Variants in PACRG observed in about 807,000 individuals in gnomAD.
PACRG encodes parkin coregulated, also known as parkin coregulated gene protein.
A neutral mutation model predicts 29.7 loss-of-function variants in PACRG; 29 were observed. That is an observed-to-expected ratio of 0.98 (90% confidence interval 0.73 to 1.33). The LOEUF (loss-of-function observed/expected upper bound fraction) is 1.33. Among genes scored for constraint, PACRG ranks in the 40% most tolerant of loss-of-function variants. The pLI is 0.00. For missense variants in PACRG, 279 were observed against 316.2 expected (o/e 0.88, Z 0.89); for synonymous variants, 116 against 118.7 (o/e 0.98, Z 0.15).
At chr6:162,902,451 A>T (rs1442520604) in intron 2 of PACRG, among the ~76,000 whole-genome samples, 1 of 152,220 alleles carries the variant, frequency 6.6e-6, no homozygotes, top group Non-Finnish European at 1.5e-5. Flanking sequence ...ACAGTGCATA[A>T]CATTCTACAT....
chr6:163,169,766 A>C (rs1450366584), intron 4 of PACRG, among the ~76,000 whole-genome samples: 1 of 152,124 alleles, frequency 6.6e-6, no homozygotes, highest in Non-Finnish European at 1.5e-5. Flanking sequence ...GGCCATACAG[A>C]CTTGGGGAGC....
At chr6:163,156,973 C>T (rs1194455084) in intron 4 of PACRG, among the ~76,000 whole-genome samples, 1 of 152,172 alleles carries the variant, frequency 6.6e-6, no homozygotes. Context: ...TTAATGTGAG[C>T]ATGTGTGCAA....
intron 1 of PACRG, among the ~76,000 whole-genome samples, chr6:162,750,174 T>C (rs960442925): frequency 5.9e-5 from 9 of 152,218 alleles, no homozygotes; most frequent in Admixed American, 3.9e-4. Context: ...CTTTCAAAGA[T>C]ACCTTAGGAG....
At chr6:163,269,877 GAAAGAAAGAAAGAAAACAAAGAA>G (rs1419018074) in intron 4 of PACRG, among the ~76,000 whole-genome samples, 2 of 34,078 alleles carry the variant, frequency 5.9e-5, no homozygotes, top group African/African-American at 2.7e-4. Context: ...GAGAAAGAAA[GAAAGAAAGAAAGAAAACAAAGAA>G]AGAAAGAAAG....
At chr6:163,016,593 T>A (rs750176298) in intron 2 of PACRG, among the ~76,000 whole-genome samples, 5 of 152,156 alleles carry the variant, frequency 3.3e-5, no homozygotes, top group Non-Finnish European at 4.4e-5. Context: ...CATTAATTAA[T>A]GGTTCCAAAG....
chr6:162,763,616 G>A (rs941694020), intron 1 of PACRG, among the ~76,000 whole-genome samples: 1 of 152,174 alleles, frequency 6.6e-6, no homozygotes, highest in Non-Finnish European at 1.5e-5. Context: ...CTATTGATAA[G>A]CTAATAATTG....
chr6:163,266,294 C>T (rs965186781), intron 4 of PACRG, among the ~76,000 whole-genome samples: 3 of 152,008 alleles, frequency 2.0e-5, no homozygotes, highest in South Asian at 2.1e-4. Flanking sequence ...TAAGTAATAC[C>T]GGTAAATAGG....
In PACRG at chr6:163,233,648, GA is replaced by G. The variant is rs369018498; in HGVS notation, c.614-81176del. Among the ~76,000 whole-genome samples the G allele has an allele frequency of 7.2e-5, 11 of 152,342 alleles. No individual in the cohort carries two copies. In the East Asian group the frequency reaches 2.1e-3, roughly 29 times the overall value. ...GGGCAGGATACAGCTGTCCACATGAGAAATGGCAGTGACTTCTTTGTGTTAG... is the reference window on the plus strand; with the variant it reads ...GGGCAGGATACAGCTGTCCACATGAGAATGGCAGTGACTTCTTTGTGTTAG... On this transcript the variant is annotated intron_variant, in intron 4 of 4. Coordinates refer to ENST00000366888, the MANE Select transcript of PACRG (RefSeq NM_001080379.2).
intron 4 of PACRG, among the ~76,000 whole-genome samples, chr6:163,177,820 C>T (rs1164110161): frequency 2.1e-5 from 3 of 140,108 alleles, no homozygotes; most frequent in South Asian, 2.3e-4. Context: ...CCATTCCAAG[C>T]ACGTCCAAAC....
intron 2 of PACRG, among the ~76,000 whole-genome samples, chr6:162,950,644 G>A (rs896631414): frequency 6.6e-6 from 1 of 152,088 alleles, no homozygotes; most frequent in Non-Finnish European, 1.5e-5. Context: ...ATTTGTTTCA[G>A]TATTTAAAGC....
At chr6:162,881,616 G>A (rs1407521870) in intron 2 of PACRG, among the ~76,000 whole-genome samples, 1 of 151,534 alleles carries the variant, frequency 6.6e-6, no homozygotes, top group Non-Finnish European at 1.5e-5. Context: ...CAGAGACCCA[G>A]GGGTGCTCTC....
intron 2 of PACRG, among the ~76,000 whole-genome samples, chr6:162,817,886 G>A (rs563244642): frequency 1.2e-4 from 19 of 152,204 alleles, no homozygotes; most frequent in Admixed American, 2.0e-4. Context: ...ATTAGTAAAT[G>A]TGAGAAACGT....
At chr6:163,191,732 C>T (rs1279275747) in intron 4 of PACRG, 1 of 456,302 alleles carries the variant, frequency 2.2e-6, no homozygotes, top group Non-Finnish European at 4.4e-6. Flanking sequence ...ATCTTCTCCA[C>T]TCCCACTCAG....
intron 2 of PACRG, among the ~76,000 whole-genome samples, chr6:162,861,099 C>A (rs988031784): frequency 2.0e-5 from 3 of 152,118 alleles, no homozygotes; most frequent in Non-Finnish European, 4.4e-5. Context: ...TTCTTGTTTG[C>A]AAGAAGAATA....
intron 3 of PACRG, among the ~76,000 whole-genome samples, chr6:163,067,668 T>C (rs1484456922): frequency 6.6e-6 from 1 of 152,150 alleles, no homozygotes; most frequent in African/African-American, 2.4e-5. Context: ...GAGAAATAAT[T>C]CACTAGTCAC....
chr6:163,206,006 T>A (rs1187002552), intron 4 of PACRG, among the ~76,000 whole-genome samples: 1 of 152,062 alleles, frequency 6.6e-6, no homozygotes, highest in Non-Finnish European at 1.5e-5. Context: ...AAATCCACAA[T>A]GAGATACCAT....
intron 2 of PACRG, among the ~76,000 whole-genome samples, chr6:162,855,348 C>T (rs1374152967): frequency 6.6e-6 from 1 of 152,142 alleles, no homozygotes; most frequent in African/African-American, 2.4e-5. Context: ...TCTGTCAGCC[C>T]TTCAGGACTT....
intron 2 of PACRG, among the ~76,000 whole-genome samples, chr6:162,858,419 C>T (rs77407775): frequency 0.018 from 2,793 of 152,224 alleles, 72 homozygotes; most frequent in African/African-American, 0.062. Context: ...CCTCCTTTGA[C>T]CCATGGGTAT....
At chr6:163,205,270 CA>C (rs776597451) in intron 4 of PACRG, among the ~76,000 whole-genome samples, 24 of 151,998 alleles carry the variant, frequency 1.6e-4, no homozygotes, top group Non-Finnish European at 3.2e-4. Context: ...AAATCTTAAG[CA>C]AAAAGAACAA....
Sources: gnomAD v4.1 joint callset for allele counts (sites outside exome capture counted in the v4.1 genomes callset) on GRCh38, gnomAD v4.1.1 for gene constraint, MANE v1.5 for transcripts, NCBI Gene and HGNC (gene_info 2026-07-23, HGNC 2026-07-21) for gene names.